KIF1A: variants seen among roughly 807,000 people sequenced by gnomAD.
KIF1A encodes the protein kinesin family member 1A.
A neutral mutation model predicts 227.3 loss-of-function variants in KIF1A; 46 were observed. That is an observed-to-expected ratio of 0.20 (90% CI 0.16 to 0.26). The LOEUF is 0.26. Ranked by LOEUF, KIF1A falls within the 10% of genes least tolerant of loss-of-function variation. The pLI is 1.00. For missense variants in KIF1A, 1,683 were observed against 2,485.9 expected, an observed-to-expected ratio of 0.68 and a Z score of 6.87; for synonymous variants, 1,022 against 1,012.8, an observed-to-expected ratio of 1.01 and a Z score of -0.17.
intron 13 of KIF1A, among the ~76,000 whole-genome samples, chr2:240,772,884 C>T (rs1486729982): frequency 1.3e-5 from 2 of 152,364 alleles, no homozygotes; most frequent in African/African-American, 4.8e-5. Context: ...GAAACTTGCC[C>T]TTGTCCAGGG....
intron 1 of KIF1A, among the ~76,000 whole-genome samples, chr2:240,813,238 C>G (rs930566454): frequency 6.6e-6 from 1 of 152,244 alleles, no homozygotes; most frequent in Non-Finnish European, 1.5e-5. Context: ...AGTAAGGAGC[C>G]CCAGGTCCAA....
chr2:240,718,241 C>T, intron 47 of KIF1A, 73 bp from the exon 48 acceptor site: 1 of 1,058,228 alleles, frequency 9.4e-7, no homozygotes, highest in Non-Finnish European at 1.4e-6. Context: ...CTCCCCAGGG[C>T]CCAGGCAGGC....
intron 1 of KIF1A, among the ~76,000 whole-genome samples, chr2:240,806,990 C>T (rs535314500): frequency 2.0e-5 from 3 of 151,900 alleles, no homozygotes; most frequent in South Asian, 2.1e-4. Context: ...GTTCCAGGAC[C>T]CCCCACAGAT....
intron 27 of KIF1A, among the ~76,000 whole-genome samples, chr2:240,751,820 G>C (rs889365741): frequency 6.6e-6 from 1 of 151,958 alleles, no homozygotes; most frequent in Non-Finnish European, 1.5e-5. Context: ...TGGATGCCCC[G>C]GGTGTCTCTG....
chr2:240,734,818 G>A, intron 38 of KIF1A: 2 of 1,175,004 alleles, frequency 1.7e-6, no homozygotes, highest in South Asian at 2.6e-5. Context: ...GGGACAGGCA[G>A]AGGGAAGCGG....
At position 240,726,943 on chromosome 2, in the gene KIF1A, G is replaced by T. The variant is rs879129733; in HGVS notation, c.4008-3C>A. 10 of 1,577,324 alleles carry T rather than the reference G, an allele frequency of 6.3e-6. No individual in the cohort carries two copies. The highest frequency in any genetic ancestry group is 1.7e-4 in the Middle Eastern group (1 of 5,976). ...CAGCCTCAAATTGGTAAAAGGTCCT[G>T]AAAGGAAGCAGAGACAAAGTAGAAG... is the stretch of plus-strand genomic sequence containing the variant. On this transcript the variant is annotated splice_region_variant and splice_polypyrimidine_tract_variant and intron_variant, in intron 38 of 48. Coordinates refer to ENST00000498729, the MANE Select transcript of KIF1A (RefSeq NM_001244008.2). This position sits in a 1 kb window ranked among gnomAD's most constrained non-coding sequence, Gnocchi z 5.2.
chr2:240,795,476 G>A (rs1032459618), intron 2 of KIF1A, among the ~76,000 whole-genome samples: 7 of 152,222 alleles, frequency 4.6e-5, no homozygotes, highest in African/African-American at 1.7e-4. Flanking sequence ...AAAACCACTG[G>A]GGCATGAGGT....
chr2:240,769,767 G>A (rs1475658369), intron 15 of KIF1A, 61 bp from the exon 16 acceptor site: 2 of 1,395,746 alleles, frequency 1.4e-6, no homozygotes, highest in African/African-American at 2.8e-5. Flanking sequence ...GAGGACAATG[G>A]AGACACGGGT....
At position 240,740,079 on chromosome 2, in the gene KIF1A, C is replaced by A; in HGVS notation, c.3880G>T (p.Glu1294Ter). 6.3e-7 allele frequency: 1 copy of A among 1,588,962 alleles called. No individual in the cohort carries two copies. The highest frequency in any genetic ancestry group is 1.2e-5 in the South Asian group (1 of 86,880). The change falls in exon 37 of 49, where the codon GAA becomes TAA. Residue 1294 changes from glutamate to a stop codon, truncating the protein, a stop_gained. Transcript: ENST00000498729. LOFTEE classifies it high-confidence loss of function. This position sits in a 1 kb window ranked among gnomAD's most constrained non-coding sequence, Gnocchi z 6.1. ...HETGSHIRWK[E>*]VRELVVGRIR... ...TCACCCACGACCAGCTCGCGCACTT[C>A]CTTCCAGCGGATATGGCTGCCTGTC...
chr2:240,721,840 G>A lies in KIF1A; in HGVS notation c.4710C>T (p.His1570=). Reference sequence around the variant, plus strand: ...CGCTGGCACTGACGCAGACGTGGCTGTGTGTGTACTCTCTGTTGAATGTGT... The same window carrying A: ...CGCTGGCACTGACGCAGACGTGGCTATGTGTGTACTCTCTGTTGAATGTGT... ...LTHTFNREYT[H]SHVCVSASES... Residue 1570 remains histidine (H), a synonymous_variant, in exon 44 of 49, where the codon CAC becomes CAT. Coordinates refer to ENST00000498729, the MANE Select transcript of KIF1A (RefSeq NM_001244008.2). 1.9e-6 allele frequency: 3 copies of A among 1,607,482 alleles called. No homozygotes were observed. The highest frequency in any genetic ancestry group is 2.5e-6 in the Non-Finnish European group (3 of 1,179,406).
intron 25 of KIF1A, among the ~76,000 whole-genome samples, chr2:240,759,570 C>T (rs1204474302): frequency 6.6e-6 from 1 of 152,206 alleles, no homozygotes; most frequent in East Asian, 1.9e-4. Flanking sequence ...CCTTCCCCTA[C>T]TCCTACTCCT....
intron 45 of KIF1A, 154 bp from the exon 46 acceptor site, chr2:240,720,080 G>A (rs1305691067): frequency 1.4e-5 from 9 of 631,962 alleles, no homozygotes; most frequent in Non-Finnish European, 2.2e-5. Context: ...AGCTCCCGGG[G>A]CCCGTCCACC....
At chr2:240,785,787 G>A (rs1419809946) in intron 6 of KIF1A, among the ~76,000 whole-genome samples, 1 of 152,198 alleles carries the variant, frequency 6.6e-6, no homozygotes, top group African/African-American at 2.4e-5. Context: ...GGCGCAGAGT[G>A]TGACTCACGA....
chr2:240,727,321 G>A (rs2125636246), intron 38 of KIF1A, among the ~76,000 whole-genome samples: 1 of 152,300 alleles, frequency 6.6e-6, no homozygotes, highest in South Asian at 2.1e-4. Flanking sequence ...GAAGGGAGAG[G>A]GGAGGGCAGG....
At chr2:240,795,074 A>C (rs752085585) in intron 2 of KIF1A, among the ~76,000 whole-genome samples, 10 of 152,178 alleles carry the variant, frequency 6.6e-5, no homozygotes, top group Admixed American at 3.3e-4. Flanking sequence ...TCCCCGGAAG[A>C]TCGGCATCTC....
Position 240,714,821 on chromosome 2 carries a change from G to C in KIF1A, c.*2543C>G, listed in dbSNP as rs141926687. The C allele has an allele frequency of 6.6e-6, 1 of 152,274 alleles. No homozygotes were observed. The highest frequency in any genetic ancestry group is 1.9e-4 in the East Asian group (1 of 5,198). 9.4% of individuals were successfully genotyped at this position (152,274 alleles called of 1,614,324 possible). ...AGAGCAGGCCCGGAAGGAGGGAGTCGGCGGAGGCTGCAGTGTGGCTCTGGG... is the reference window on the plus strand; with the variant it reads ...AGAGCAGGCCCGGAAGGAGGGAGTCCGCGGAGGCTGCAGTGTGGCTCTGGG... On this transcript the variant is annotated 3_prime_UTR_variant, in exon 49 of 49. Transcript: ENST00000498729.
chr2:240,745,185 A>G (rs949559455), intron 32 of KIF1A, among the ~76,000 whole-genome samples: 4 of 151,946 alleles, frequency 2.6e-5, no homozygotes, highest in African/African-American at 9.7e-5. Context: ...CATCGGCTCT[A>G]TGCTCACTAT....
rs994619235 is a variant in KIF1A at position 240,740,686 on chromosome 2, C to T, written c.3750-322G>A. On this transcript the variant is annotated intron_variant, in intron 35 of 48. Coordinates refer to ENST00000498729, the MANE Select transcript of KIF1A (RefSeq NM_001244008.2). The surrounding 1 kb of genome is among the most constrained non-coding windows in gnomAD (Gnocchi z 6.1). ...TGCTTCCCCTCATGCCCTGCAGATC[C>T]GCAACCCAAGGCCAGAGGATCCAGA... 1.3e-5 allele frequency among the ~76,000 whole-genome samples: 2 copies of T among 151,954 alleles called. No individual in the cohort carries two copies. The highest frequency in any genetic ancestry group is 2.4e-5 in the African/African-American group (1 of 41,356).
upstream of KIF1A, among the ~76,000 whole-genome samples, chr2:240,821,203 C>A (rs1267741587): frequency 1.3e-5 from 2 of 152,220 alleles, no homozygotes; most frequent in Non-Finnish European, 2.9e-5. Flanking sequence ...CCAGCCCAGC[C>A]CCTGCCATCG....
Sources: allele counts gnomAD v4.1 joint callset (sites outside exome capture counted in the v4.1 genomes callset), GRCh38; gene constraint gnomAD v4.1.1; non-coding constraint Gnocchi (gnomAD v3.1); transcripts MANE v1.5; gene names NCBI Gene and HGNC (gene_info 2026-07-23, HGNC 2026-07-21).